The following CDH12 variants were observed in gnomAD, a reference collection of about 807,000 sequenced individuals.
CDH12 encodes cadherin-12.
A neutral mutation model predicts 74.1 loss-of-function variants in CDH12; 41 were observed. That is an observed-to-expected ratio of 0.55 (90% confidence interval 0.43 to 0.72). The LOEUF is 0.72. Ranked by LOEUF, CDH12 falls within the 30% of genes least tolerant of loss-of-function variation. The probability of loss-of-function intolerance (pLI) is 0.00; values close to 1 mark genes in which losing one functional copy is unlikely to be tolerated. For synonymous variants in CDH12, 399 were observed against 355.0 expected, an observed-to-expected ratio of 1.12 and a Z score of -1.39; for missense variants, 945 against 977.2, an observed-to-expected ratio of 0.97 and a Z score of 0.44.
chr5:22,758,370 A>G (rs1345922182), intron 1 of CDH12, among the ~76,000 whole-genome samples: 1 of 152,154 alleles, frequency 6.6e-6, no homozygotes, highest in Non-Finnish European at 1.5e-5. Flanking sequence ...AAGACCATTG[A>G]CAGCCACTAT....
chr5:22,748,361 T>C (rs1349578454), intron 1 of CDH12, among the ~76,000 whole-genome samples: 1 of 151,670 alleles, frequency 6.6e-6, no homozygotes, highest in Non-Finnish European at 1.5e-5. Flanking sequence ...AGCAAAGTGC[T>C]CCCAAAATAT....
chr5:22,133,753 A>G (rs1364733115), intron 4 of CDH12, among the ~76,000 whole-genome samples: 1 of 152,108 alleles, frequency 6.6e-6, no homozygotes, highest in Non-Finnish European at 1.5e-5. Context: ...TTACGTGTAC[A>G]TATACATAAT....
intron 8 of CDH12, among the ~76,000 whole-genome samples, chr5:21,835,192 A>T (rs1561227727): frequency 1.3e-5 from 2 of 151,874 alleles, no homozygotes; most frequent in Non-Finnish European, 2.9e-5. Context: ...TGGGTAGCAG[A>T]TTGCCTTCTC....
intron 1 of CDH12, among the ~76,000 whole-genome samples, chr5:22,694,089 C>T (rs929881403): frequency 6.6e-6 from 1 of 152,024 alleles, no homozygotes; most frequent in African/African-American, 2.4e-5. Context: ...CAGGCACACG[C>T]TACCATACCC....
chr5:22,522,815 T>C (rs1737112854), intron 1 of CDH12, among the ~76,000 whole-genome samples: 1 of 152,226 alleles, frequency 6.6e-6, no homozygotes. Flanking sequence ...GTCATTCTGC[T>C]AGTTTCTAAT....
rs1554012020 is a variant in CDH12 at position 22,117,478 on chromosome 5, T to TAA, written c.-186-38617_-186-38616insTT. On this transcript the variant is annotated intron_variant, in intron 4 of 14. Transcript: ENST00000382254. ...ATATATTATATATATAATATATATA[T>TAA]TATATATATATTATATATATATAAT... 8.4e-4 allele frequency among the ~76,000 whole-genome samples: 57 copies of TAA among 68,260 alleles called. 1 individual carries two copies. The highest frequency in any genetic ancestry group is 3.1e-3 in the African/African-American group (50 of 16,322). The allele number at this position is 68,260 out of a possible 152,430, so 44.8% of individuals were successfully genotyped here.
At chr5:22,427,086 T>A (rs979330233) in intron 2 of CDH12, among the ~76,000 whole-genome samples, 12 of 152,186 alleles carry the variant, frequency 7.9e-5, no homozygotes, top group Non-Finnish European at 1.3e-4. Flanking sequence ...CTTTCCTCTT[T>A]TAGAGATGGA....
chr5:21,967,716 T>C (rs1756648321), intron 6 of CDH12, among the ~76,000 whole-genome samples: 1 of 152,124 alleles, frequency 6.6e-6, no homozygotes, highest in African/African-American at 2.4e-5. Flanking sequence ...AAAGTGTCAA[T>C]AGCATTACCT....
chr5:22,035,472 CAT>C (rs1374140884), intron 5 of CDH12, among the ~76,000 whole-genome samples: 12 of 151,788 alleles, frequency 7.9e-5, no homozygotes, highest in African/African-American at 2.7e-4. Context: ...AGTATAAAAA[CAT>C]GTGAAAACTG....
intron 1 of CDH12, among the ~76,000 whole-genome samples, chr5:22,760,496 T>C (rs1310477502): frequency 6.6e-6 from 1 of 151,656 alleles, no homozygotes; most frequent in East Asian, 1.9e-4. Context: ...CTGGCCAACA[T>C]GATGAAACAC....
At chr5:22,269,209 C>T (rs1219236936) in intron 3 of CDH12, among the ~76,000 whole-genome samples, 3 of 152,094 alleles carry the variant, frequency 2.0e-5, no homozygotes, top group Non-Finnish European at 4.4e-5. Context: ...ATTATTACCA[C>T]TTGGCTAAAA....
At chr5:22,631,064 G>T (rs1180804676) in intron 1 of CDH12, among the ~76,000 whole-genome samples, 1 of 152,058 alleles carries the variant, frequency 6.6e-6, no homozygotes, top group Non-Finnish European at 1.5e-5. Flanking sequence ...TTAGAGAAAT[G>T]AAAATCAAAA....
chr5:22,562,422 T>C (rs1299026506), intron 1 of CDH12, among the ~76,000 whole-genome samples: 2 of 152,168 alleles, frequency 1.3e-5, no homozygotes, highest in Non-Finnish European at 2.9e-5. Context: ...GAAATTGGCG[T>C]GGGCAATCGC....
intron 1 of CDH12, among the ~76,000 whole-genome samples, chr5:22,587,844 G>A (rs1740485642): frequency 6.8e-6 from 1 of 146,350 alleles, no homozygotes; most frequent in Non-Finnish European, 1.5e-5. Context: ...CTTTTTTGGT[G>A]GAGATATATA....
intron 2 of CDH12, among the ~76,000 whole-genome samples, chr5:22,501,358 C>G (rs1488877264): frequency 6.6e-6 from 1 of 152,098 alleles, no homozygotes; most frequent in Non-Finnish European, 1.5e-5. Flanking sequence ...TTAATGTACT[C>G]TTTTCTGCTG....
intron 11 of CDH12, among the ~76,000 whole-genome samples, chr5:21,768,434 G>A (rs1016457386): frequency 2.6e-5 from 4 of 151,822 alleles, no homozygotes; most frequent in African/African-American, 7.2e-5. Context: ...AGAAAAAAAG[G>A]AAAATAATAA....
At position 22,796,762 on chromosome 5, in the gene CDH12, C is replaced by T. The variant is rs566738276; in HGVS notation, c.-523+56296G>A. On this transcript the variant is annotated intron_variant, in intron 1 of 14. Coordinates refer to ENST00000382254, the MANE Select transcript of CDH12 (RefSeq NM_004061.5). ...GTCTCGATCTCTTGACCTCGTGATCCGCCCGCCTCGGCCTCCCAAAGTGCT... is the reference window on the plus strand; with the variant it reads ...GTCTCGATCTCTTGACCTCGTGATCTGCCCGCCTCGGCCTCCCAAAGTGCT... Among the ~76,000 whole-genome samples, 10 of 101,730 alleles carry T rather than the reference C, an allele frequency of 9.8e-5. 1 individual carries two copies. The highest frequency in any genetic ancestry group is 6.6e-4 in the South Asian group (2 of 3,018). The allele number at this position is 101,730 out of a possible 152,430, so 66.7% of individuals were successfully genotyped here. A position where few individuals can be genotyped will look rare whatever the true frequency, so the allele number is the denominator to read the frequency against.
At chr5:21,926,911 G>T (rs1050985534) in intron 6 of CDH12, among the ~76,000 whole-genome samples, 3 of 152,174 alleles carry the variant, frequency 2.0e-5, no homozygotes, top group African/African-American at 7.2e-5. Context: ...AAACATGGAG[G>T]AGGAGTTGGT....
At chr5:22,779,269 A>G (rs1203391416) in intron 1 of CDH12, among the ~76,000 whole-genome samples, 3 of 152,204 alleles carry the variant, frequency 2.0e-5, no homozygotes, top group Non-Finnish European at 2.9e-5. Context: ...AACTATTTAT[A>G]TTTAAATATG....
Sources: gnomAD v4.1 joint callset for allele counts (sites outside exome capture counted in the v4.1 genomes callset) on GRCh38, gnomAD v4.1.1 for gene constraint, MANE v1.5 for transcripts, NCBI Gene and HGNC (gene_info 2026-07-23, HGNC 2026-07-21) for gene names.